Variants in CHRNA7 observed in about 807,000 individuals in gnomAD.
CHRNA7 encodes the protein neuronal acetylcholine receptor subunit alpha-7.
Under a neutral mutation model 48.0 loss-of-function variants are expected in CHRNA7, and 17 were observed. The ratio of observed to expected loss-of-function variants is 0.35; its 90% confidence interval spans 0.24 to 0.53. The LOEUF (loss-of-function observed/expected upper bound fraction) is 0.53, where lower values mean the gene tolerates loss of function less well. Ranked by LOEUF, CHRNA7 falls within the 20% of genes least tolerant of loss-of-function variation. The pLI is 0.92. For missense variants in CHRNA7, 155 were observed against 577.7 expected (o/e 0.27, Z 7.50); for synonymous variants, 75 against 242.3 (o/e 0.31, Z 6.41).
chr15:32,044,597 C>T (rs2049507630), intron 2 of CHRNA7, among the ~76,000 whole-genome samples: 1 of 152,276 alleles, frequency 6.6e-6, no homozygotes, highest in South Asian at 2.1e-4. Flanking sequence ...TTAGATATGG[C>T]TTCTGCTCTA....
chr15:32,116,961 C>T (rs1319290693), intron 4 of CHRNA7, among the ~76,000 whole-genome samples: 2 of 152,162 alleles, frequency 1.3e-5, no homozygotes, highest in Non-Finnish European at 2.9e-5. Context: ...GAGGGGACCT[C>T]TATGCAGGAC....
intron 3 of CHRNA7, among the ~76,000 whole-genome samples, chr15:32,109,476 C>G (rs1364878794): frequency 2.0e-5 from 3 of 152,176 alleles, no homozygotes; most frequent in Non-Finnish European, 4.4e-5. Flanking sequence ...GGTTTCAGCC[C>G]TGCTTTACCC....
chr15:32,112,808 C>T (rs568271334), intron 4 of CHRNA7, among the ~76,000 whole-genome samples: 3 of 152,058 alleles, frequency 2.0e-5, no homozygotes, highest in African/African-American at 7.2e-5. Context: ...GAAGGCTGGG[C>T]GATGCTATTT....
intron 4 of CHRNA7, among the ~76,000 whole-genome samples, chr15:32,151,566 C>T (rs1456511272): frequency 1.3e-5 from 2 of 152,080 alleles, no homozygotes; most frequent in Non-Finnish European, 2.9e-5. Flanking sequence ...GTGAGTGAGG[C>T]GAGTTCCCCC....
At chr15:32,139,009 C>T (rs930846979) in intron 4 of CHRNA7, among the ~76,000 whole-genome samples, 1 of 152,212 alleles carries the variant, frequency 6.6e-6, no homozygotes, top group Non-Finnish European at 1.5e-5. Context: ...CTGCCTTAGC[C>T]TCCCAAAGTG....
At chr15:32,076,648 A>G (rs960933586) in intron 2 of CHRNA7, among the ~76,000 whole-genome samples, 18 of 152,184 alleles carry the variant, frequency 1.2e-4, no homozygotes, top group African/African-American at 4.3e-4. Flanking sequence ...TAGGTTTACA[A>G]CAAAATTGAA....
intron 2 of CHRNA7, among the ~76,000 whole-genome samples, chr15:32,065,850 G>T (rs1162676372): frequency 6.6e-6 from 1 of 151,284 alleles, no homozygotes; most frequent in Non-Finnish European, 1.5e-5. Flanking sequence ...CAAACACTGG[G>T]GACAGAGCTG....
At chr15:32,101,440 G>C (rs2050570376) in intron 3 of CHRNA7, 93 bp downstream of exon 3, 1 of 1,375,378 alleles carries the variant, frequency 7.3e-7, no homozygotes, top group Admixed American at 2.4e-5. Context: ...CTTCTGAGAG[G>C]TCCTGTTTAG....
At chr15:32,120,030 CT>C (rs974684611) in intron 4 of CHRNA7, among the ~76,000 whole-genome samples, 2 of 152,200 alleles carry the variant, frequency 1.3e-5, no homozygotes, top group African/African-American at 4.8e-5. Context: ...GCCAAGCCCC[CT>C]TTACTGGGCA....
At chr15:32,055,572 A>C (rs972045014) in intron 2 of CHRNA7, among the ~76,000 whole-genome samples, 2 of 152,298 alleles carry the variant, frequency 1.3e-5, no homozygotes, top group South Asian at 4.1e-4. Context: ...GCATTAGTCC[A>C]TTCAGGAGGG....
intron 2 of CHRNA7, among the ~76,000 whole-genome samples, chr15:32,064,996 G>A (rs952494136): frequency 2.6e-5 from 4 of 152,092 alleles, no homozygotes; most frequent in African/African-American, 7.2e-5. Flanking sequence ...CAGAATAATG[G>A]CCTCAAAAAT....
At position 32,056,606 on chromosome 15, in the gene CHRNA7, C is replaced by T. The variant is rs184630489; in HGVS notation, c.195+25569C>T. 4.2e-3 allele frequency among the ~76,000 whole-genome samples: 632 copies of T among 152,200 alleles called. 4 individuals are homozygous for T. Among genetic ancestry groups the T allele is most frequent in the African/African-American group, 0.014 (589 of 41,498 alleles). ...AATATTTAAAAATGTTGACATCACA[C>T]ACATTATTTACAAAGTCAGTAGTAA... is the stretch of plus-strand genomic sequence containing the variant. On this transcript the variant is annotated intron_variant, in intron 2 of 9. Coordinates refer to ENST00000306901, the MANE Select transcript of CHRNA7 (RefSeq NM_000746.6).
At chr15:32,036,309 G>A (rs1369952776) in intron 2 of CHRNA7, among the ~76,000 whole-genome samples, 1 of 152,178 alleles carries the variant, frequency 6.6e-6, no homozygotes, top group Non-Finnish European at 1.5e-5. Context: ...TCTGGATGTA[G>A]CACAGTTCAT....
intron 4 of CHRNA7, among the ~76,000 whole-genome samples, chr15:32,128,011 A>C (rs915756170): frequency 1.3e-5 from 2 of 152,026 alleles, no homozygotes; most frequent in African/African-American, 4.8e-5. Flanking sequence ...GATTTACATC[A>C]AAGTTTATCC....
intron 2 of CHRNA7, among the ~76,000 whole-genome samples, chr15:32,092,916 T>G (rs6494212): frequency 1.3e-5 from 2 of 151,948 alleles, no homozygotes. Context: ...AGCTAGCTTT[T>G]TGACAATTCA....
chr15:32,098,511 G>A (rs1343268358), intron 2 of CHRNA7: 2 of 152,340 alleles, frequency 1.3e-5, no homozygotes, highest in Non-Finnish European at 2.9e-5. Flanking sequence ...GAGTCCTGCA[G>A]CAACTGCCTC....
At chr15:32,089,196 G>T (rs998398394) in intron 2 of CHRNA7, among the ~76,000 whole-genome samples, 4 of 152,162 alleles carry the variant, frequency 2.6e-5, no homozygotes, top group Admixed American at 6.6e-5. Flanking sequence ...GTGTTGGGAA[G>T]TTCTCAGCCA....
At chr15:32,100,087 C>G (rs2050544870) in intron 2 of CHRNA7, 2 of 152,212 alleles carry the variant, frequency 1.3e-5, no homozygotes, top group Non-Finnish European at 2.9e-5. Context: ...CAACTGCTTA[C>G]ATGCTGAACG....
rs531978099 is a variant in CHRNA7 at position 32,132,945 on chromosome 15, C to T, written c.351-20962C>T. On this transcript the variant is annotated intron_variant, in intron 4 of 9. Transcript: ENST00000306901. ...CTTCACTCAATCTGAAGGAAAAGCT[C>T]TTTAAAAAATCAGCCTGATCATTTT... 2.1e-4 allele frequency among the ~76,000 whole-genome samples: 32 copies of T among 152,304 alleles called. No individual in the cohort carries two copies. The South Asian group carries it at 5.6e-3, about 27-fold the overall frequency.
Sources: allele counts gnomAD v4.1 joint callset (sites outside exome capture counted in the v4.1 genomes callset), GRCh38; gene constraint gnomAD v4.1.1; transcripts MANE v1.5; gene names NCBI Gene and HGNC (gene_info 2026-07-23, HGNC 2026-07-21).